Variants in CNTN1 observed in about 807,000 individuals in gnomAD.
CNTN1 encodes contactin 1.
A neutral mutation model predicts 126.4 loss-of-function variants in CNTN1; 38 were observed. The observed-to-expected ratio is 0.30, with a 90% confidence interval of 0.23 to 0.39. The LOEUF (loss-of-function observed/expected upper bound fraction) is 0.39, where lower values mean the gene tolerates loss of function less well. Ranked by LOEUF, CNTN1 falls within the 10% of genes least tolerant of loss-of-function variation. CNTN1 has a pLI of 1.00. For synonymous variants in CNTN1, 413 were observed against 422.6 expected (o/e 0.98, Z 0.28); for missense variants, 1,009 against 1,248.4 (o/e 0.81, Z 2.89).
At chr12:40,783,705 GA>G (rs1373634120) in intron 1 of CNTN1, among the ~76,000 whole-genome samples, 2 of 152,056 alleles carry the variant, frequency 1.3e-5, no homozygotes, top group African/African-American at 4.8e-5. Context: ...CTCGTTGTGT[GA>G]AACACGTAAA....
chr12:40,837,557 C>T (rs1252669387), intron 1 of CNTN1, among the ~76,000 whole-genome samples: 2 of 152,208 alleles, frequency 1.3e-5, no homozygotes, highest in African/African-American at 4.8e-5. Flanking sequence ...CTGGGTCCCA[C>T]ACCCTTTCTG....
intron 1 of CNTN1, 61 bp from the exon 2 acceptor site, chr12:40,908,296 C>A: frequency 4.8e-6 from 3 of 628,640 alleles, no homozygotes; most frequent in African/African-American, 1.9e-5. Flanking sequence ...CTCCTCTCCC[C>A]TTCCTTCCCC....
Position 40,758,047 on chromosome 12 carries a change from A to T in CNTN1, c.-77+65455A>T, listed in dbSNP as rs533853810. Among the ~76,000 whole-genome samples the T allele has an allele frequency of 3.4e-4, 51 of 151,644 alleles. No homozygotes were observed. In the South Asian group the frequency reaches 5.2e-3, roughly 16 times the overall value. ...CCTTCTTTTCTCTTTAATGGACTAA[A>T]TATGTGTTATTCATCTTCTTACACT... is the stretch of plus-strand genomic sequence containing the variant. On this transcript the variant is annotated intron_variant, in intron 1 of 23. Coordinates refer to ENST00000551295, the MANE Select transcript of CNTN1 (RefSeq NM_001843.4).
At chr12:41,043,225 G>A (rs1181846392) in intron 23 of CNTN1, among the ~76,000 whole-genome samples, 2 of 152,062 alleles carry the variant, frequency 1.3e-5, no homozygotes, top group African/African-American at 4.8e-5. Context: ...CCTACAAAAT[G>A]GGAGAAAATT....
chr12:40,938,252 G>C (rs7305733), intron 11 of CNTN1, among the ~76,000 whole-genome samples: 1 of 151,970 alleles, frequency 6.6e-6, no homozygotes, highest in South Asian at 2.1e-4. Flanking sequence ...CCTTTTTTAA[G>C]CCTCTGTATT....
intron 1 of CNTN1, among the ~76,000 whole-genome samples, chr12:40,842,941 G>T (rs891454953): frequency 3.3e-5 from 5 of 152,086 alleles, no homozygotes; most frequent in African/African-American, 1.2e-4. Context: ...GTAGGCAAAA[G>T]GGGGATTTTA....
In CNTN1 at chr12:40,906,669, C is replaced by CTTTTTTTTT. The variant is rs111442544; in HGVS notation, c.-76-1687_-76-1679dup. Among the ~76,000 whole-genome samples, 634 of 106,962 alleles carry CTTTTTTTTT rather than the reference C, an allele frequency of 5.9e-3. 79 individuals are homozygous for CTTTTTTTTT. Among genetic ancestry groups the CTTTTTTTTT allele is most frequent in the Non-Finnish European group, 6.6e-3 (351 of 53,190 alleles). 70.2% of individuals were successfully genotyped at this position (106,962 alleles called of 152,430 possible). On this transcript the variant is annotated intron_variant, in intron 1 of 23. Transcript: ENST00000551295. ...TTTCCTTTTAAAATTGTTTTTCATGCTTTTTTTTTGTTTTGTTTTTTTTGA... is the reference window on the plus strand; with the variant it reads ...TTTCCTTTTAAAATTGTTTTTCATGCTTTTTTTTTTTTTTTTTTGTTTTGTTTTTTTTGA...
At chr12:40,761,116 A>G (rs1450505066) in intron 1 of CNTN1, among the ~76,000 whole-genome samples, 1 of 152,170 alleles carries the variant, frequency 6.6e-6, no homozygotes, top group East Asian at 1.9e-4. Flanking sequence ...TTGTAAATCA[A>G]CATGATAAAA....
chr12:40,877,148 T>C (rs948179193), intron 1 of CNTN1, among the ~76,000 whole-genome samples: 4 of 152,204 alleles, frequency 2.6e-5, no homozygotes, highest in Non-Finnish European at 4.4e-5. Context: ...GACAATTTGC[T>C]ATTATAGCTA....
At chr12:40,934,775 A>G (rs1345905183) in intron 9 of CNTN1, among the ~76,000 whole-genome samples, 1 of 151,924 alleles carries the variant, frequency 6.6e-6, no homozygotes, top group Non-Finnish European at 1.5e-5. Flanking sequence ...CTCCAACATG[A>G]TTTGCATCTC....
intron 1 of CNTN1, among the ~76,000 whole-genome samples, chr12:40,693,487 CAGA>C (rs1941359641): frequency 1.3e-5 from 2 of 152,182 alleles, no homozygotes; most frequent in South Asian, 4.1e-4. Flanking sequence ...GAGCAGTAGG[CAGA>C]AGAATTGCAG....
chr12:40,722,527 G>A (rs1398876880), intron 1 of CNTN1, among the ~76,000 whole-genome samples: 3 of 152,066 alleles, frequency 2.0e-5, no homozygotes, highest in Admixed American at 1.3e-4. Flanking sequence ...ATTGAGATTC[G>A]TGACAGTAAA....
intron 17 of CNTN1, among the ~76,000 whole-genome samples, chr12:41,003,717 G>A (rs2120622435): frequency 6.6e-6 from 1 of 152,068 alleles, no homozygotes; most frequent in South Asian, 2.1e-4. Context: ...ACTTCTTCAA[G>A]ATTTTCTAGT....
intron 1 of CNTN1, among the ~76,000 whole-genome samples, chr12:40,824,519 G>A (rs1238104139): frequency 6.6e-6 from 1 of 152,062 alleles, no homozygotes; most frequent in Non-Finnish European, 1.5e-5. Context: ...AGAAATTGAG[G>A]CAGGATTTAA....
At chr12:40,781,689 A>G (rs1939810623) in intron 1 of CNTN1, among the ~76,000 whole-genome samples, 1 of 152,066 alleles carries the variant, frequency 6.6e-6, no homozygotes, top group South Asian at 2.1e-4. Flanking sequence ...GAACTGGAAC[A>G]TAAAAACCCA....
At chr12:41,021,334 C>T (rs935444905) in intron 20 of CNTN1, among the ~76,000 whole-genome samples, 11 of 151,802 alleles carry the variant, frequency 7.2e-5, no homozygotes, top group Non-Finnish European at 7.4e-5. Flanking sequence ...TCTAGGGCTG[C>T]CTCTCCACCC....
chr12:40,937,035 C>T, intron 10 of CNTN1, 130 bp downstream of exon 10: 1 of 1,133,046 alleles, frequency 8.8e-7, no homozygotes, highest in Non-Finnish European at 1.3e-6. Context: ...TAAAAGCTTC[C>T]TAAAAAAGAC....
chr12:41,008,350 G>A lies in CNTN1; in HGVS notation c.2114-5878G>A, dbSNP rs978154762. On this transcript the variant is annotated intron_variant, in intron 17 of 23. Transcript: ENST00000551295. ...GTCATTTTGATGAAATGAAATACTG[G>A]TTTGCTTCTACCAAATGTTGCTGTA... Among the ~76,000 whole-genome samples the A allele has an allele frequency of 3.3e-5, 5 of 152,304 alleles. No homozygotes were observed. The South Asian group carries it at 8.3e-4, about 25-fold the overall frequency.
intron 1 of CNTN1, among the ~76,000 whole-genome samples, chr12:40,781,849 G>A (rs944062848): frequency 1.1e-4 from 16 of 151,988 alleles, no homozygotes; most frequent in African/African-American, 3.4e-4. Context: ...TTTGGTTTCT[G>A]CATCTGATCT....
Sources: gnomAD v4.1 joint callset for allele counts (sites outside exome capture counted in the v4.1 genomes callset) on GRCh38, gnomAD v4.1.1 for gene constraint, MANE v1.5 for transcripts, NCBI Gene and HGNC (gene_info 2026-07-23, HGNC 2026-07-21) for gene names.